Variants in MACF1 observed in about 807,000 individuals in gnomAD.
The protein encoded by MACF1 is microtubule-actin cross-linking factor 1.
MACF1 carries 193 observed loss-of-function variants against 854.8 expected under a neutral mutation model. That is an observed-to-expected ratio of 0.23 (90% CI 0.20 to 0.25). MACF1 has a LOEUF of 0.25. Ranked by LOEUF, MACF1 falls within the 10% of genes least tolerant of loss-of-function variation. The pLI, the probability that MACF1 is intolerant of heterozygous loss-of-function variation, is 1.00. For missense variants in MACF1, 7,722 were observed against 8,929.1 expected (o/e 0.86, Z 5.45); for synonymous variants, 3,185 against 3,226.7 (o/e 0.99, Z 0.44).
At chr1:39,456,669 T>C (rs1189273766) in intron 89 of MACF1, 1 of 152,312 alleles carries the variant, frequency 6.6e-6, no homozygotes, top group East Asian at 1.9e-4. Flanking sequence ...CTCCTCTATG[T>C]CTTCAGTCTC....
chr1:39,413,974 A>C (rs1643164801), intron 58 of MACF1: 1 of 1,605,632 alleles, frequency 6.2e-7, no homozygotes. Context: ...TGCAGTGTCC[A>C]ACCCAGAGGA....
intron 91 of MACF1, among the ~76,000 whole-genome samples, chr1:39,459,661 A>C (rs540130944): frequency 3.3e-4 from 50 of 152,338 alleles, no homozygotes; most frequent in Non-Finnish European, 5.1e-4. Flanking sequence ...AATAGGAGTA[A>C]TTTTTAATGA....
intron 83 of MACF1, 22 bp downstream of exon 83, chr1:39,448,174 A>T: frequency 6.2e-7 from 1 of 1,607,580 alleles, no homozygotes; most frequent in Non-Finnish European, 8.5e-7. Context: ...AATTGCTCTT[A>T]GGTCCCAAGC....
At chr1:39,241,659 CAA>C (rs35678466) in intron 2 of MACF1, among the ~76,000 whole-genome samples, 13 of 51,508 alleles carry the variant, frequency 2.5e-4, no homozygotes, top group Non-Finnish European at 4.0e-4. Context: ...GACTCCATCT[CAA>C]AAAAAAAAAA....
intron 2 of MACF1, among the ~76,000 whole-genome samples, chr1:39,168,737 C>G (rs1643907712): frequency 6.6e-6 from 1 of 152,092 alleles, no homozygotes; most frequent in African/African-American, 2.4e-5. Flanking sequence ...ATAATATCTT[C>G]CATATAAAAT....
intron 6 of MACF1, among the ~76,000 whole-genome samples, chr1:39,275,276 G>A (rs939794452): frequency 1.3e-5 from 2 of 152,070 alleles, no homozygotes; most frequent in African/African-American, 4.8e-5. Flanking sequence ...TAGAGACGGG[G>A]TTTCACTGTG....
At chr1:39,162,874 T>C (rs2148210707) in intron 2 of MACF1, among the ~76,000 whole-genome samples, 1 of 152,280 alleles carries the variant, frequency 6.6e-6, no homozygotes, top group South Asian at 2.1e-4. Context: ...GCCTGGCACA[T>C]AGTAAGCATA....
intron 2 of MACF1, among the ~76,000 whole-genome samples, chr1:39,162,925 T>C (rs1056743931): frequency 6.6e-6 from 1 of 152,182 alleles, no homozygotes; most frequent in African/African-American, 2.4e-5. Flanking sequence ...TAAACTCATA[T>C]ATTTAAATGT....
chr1:39,410,229 T>G (rs886986864), intron 58 of MACF1: 5 of 1,480,676 alleles, frequency 3.4e-6, no homozygotes, highest in African/African-American at 2.8e-5. Flanking sequence ...TGAAAAATAC[T>G]TTTGAAAGAT....
chr1:39,327,346 A>C lies in MACF1; in HGVS notation c.4607A>C (p.Glu1536Ala), dbSNP rs1437243463. Residue 1536 changes from glutamate to alanine, a missense_variant, in exon 36 of 101, where the codon GAA becomes GCA. This residue lies in a region of MACF1 where 1,531 missense variants were observed against 1,601.6 expected (regional missense o/e 0.96). Transcript: ENST00000564288. The stretch of plus-strand genomic sequence containing the variant: ...CAGAGCCAGTTGGCTCACCAGACAG[A>C]ACAAAAGGTACTTTTAGTTTTCATC... ...QLQSQLAHQT[E>A]QKECRAVAGV... The C allele has an allele frequency of 6.3e-7, 1 of 1,593,866 alleles. No individual in the cohort carries two copies. The highest frequency in any genetic ancestry group is 8.6e-7 in the Non-Finnish European group (1 of 1,164,660).
chr1:39,366,104 CT>C (rs1296726087), intron 49 of MACF1, among the ~76,000 whole-genome samples: 3 of 152,014 alleles, frequency 2.0e-5, no homozygotes, highest in African/African-American at 7.2e-5. Flanking sequence ...CAATTTTTTT[CT>C]TTCAAAGTTT....
chr1:39,389,351 GTTT>G (rs10588247), intron 58 of MACF1, among the ~76,000 whole-genome samples: 2 of 63,482 alleles, frequency 3.2e-5, no homozygotes, highest in African/African-American at 1.1e-4. Context: ...GTTTTTGTGT[GTTT>G]TTTTTTTTTT....
intron 1 of MACF1, among the ~76,000 whole-genome samples, chr1:39,214,058 C>T (rs2148280537): frequency 6.6e-6 from 1 of 152,278 alleles, no homozygotes; most frequent in Admixed American, 6.5e-5. Flanking sequence ...TTGGGCTAAT[C>T]TCTGGAAACT....
rs1650635853 is a variant in MACF1 at position 39,385,715 on chromosome 1, A to C, written c.14130A>C (p.Ser4710=). 6.2e-7 allele frequency: 1 copy of C among 1,614,224 alleles called. No individual in the cohort carries two copies. The highest frequency in any genetic ancestry group is 1.7e-5 in the Admixed American group (1 of 60,008). The change falls in exon 57 of 101, where the codon TCA becomes TCC. Residue 4710 remains serine, a synonymous_variant. Transcript: ENST00000564288. ...RAVGQRLSVQ[S]AISTQPEAVK... is the part of the protein sequence containing the mutation. ...TTGGACAACGGCTGAGTGTCCAGTC[A>C]GCTATCAGCACCCAACCAGAGGCTG...
intron 58 of MACF1, among the ~76,000 whole-genome samples, chr1:39,392,520 T>C (rs1479610419): frequency 6.6e-6 from 1 of 152,166 alleles, no homozygotes; most frequent in African/African-American, 2.4e-5. Context: ...TTTTCAGCTC[T>C]TTTTTTAATG....
intron 88 of MACF1, 53 bp downstream of exon 88, chr1:39,453,903 A>C: frequency 6.5e-7 from 1 of 1,535,566 alleles, no homozygotes; most frequent in Non-Finnish European, 8.8e-7. Context: ...CTATCACTAT[A>C]GTATAGTATA....
chr1:39,418,403 C>G (rs1264398640), intron 58 of MACF1, among the ~76,000 whole-genome samples: 1 of 152,262 alleles, frequency 6.6e-6, no homozygotes, highest in Non-Finnish European at 1.5e-5. Context: ...AGTATTTAAA[C>G]CCACAGAAAT....
intron 18 of MACF1, among the ~76,000 whole-genome samples, chr1:39,294,483 TAAAG>T (rs1645860099): frequency 6.6e-6 from 1 of 152,164 alleles, no homozygotes; most frequent in African/African-American, 2.4e-5. Context: ...TCTACTGAAT[TAAAG>T]AAGGAAGATT....
At chr1:39,138,214 A>G (rs943675557) in intron 2 of MACF1, among the ~76,000 whole-genome samples, 1 of 152,152 alleles carries the variant, frequency 6.6e-6, no homozygotes, top group Non-Finnish European at 1.5e-5. Context: ...AAAACAACGA[A>G]TCAAAACAAA....
Sources: allele counts gnomAD v4.1 joint callset (sites outside exome capture counted in the v4.1 genomes callset), GRCh38; gene constraint gnomAD v4.1.1; regional missense constraint gnomAD v4.1.1; transcripts MANE v1.5; gene names NCBI Gene and HGNC (gene_info 2026-07-23, HGNC 2026-07-21).